The following SORCS3 variants were observed in gnomAD, a reference collection of about 807,000 sequenced individuals.
SORCS3 encodes the protein VPS10 domain-containing receptor SorCS3.
A neutral mutation model predicts 146.3 loss-of-function variants in SORCS3; 57 were observed. The ratio of observed to expected loss-of-function variants is 0.39; its 90% CI spans 0.31 to 0.49. SORCS3 has a LOEUF of 0.49. Ranked by LOEUF, SORCS3 falls within the 20% of genes least tolerant of loss-of-function variation. The probability of loss-of-function intolerance (pLI) is 0.92; values close to 1 mark genes in which losing one functional copy is unlikely to be tolerated. For missense variants in SORCS3, 1,341 were observed against 1,575.5 expected (o/e 0.85, Z 2.52); for synonymous variants, 653 against 618.5 (o/e 1.06, Z -0.83).
At chr10:104,927,667 T>C (rs190319940) in intron 3 of SORCS3, among the ~76,000 whole-genome samples, 2,517 of 152,184 alleles carry the variant, frequency 0.017, 31 homozygotes, top group Admixed American at 0.033. Context: ...TCACCTGAGG[T>C]CAGGAGTTCA....
chr10:105,200,119 A>G lies in SORCS3; in HGVS notation c.2127+3A>G, dbSNP rs2119613773. On this transcript the variant is annotated splice_donor_region_variant and intron_variant, in intron 15 of 26. Transcript: ENST00000369701. ...AGACCTGGCACCTGCTCAATCAGGT[A>G]CACACCCCAGGGAGTTGGAGTGCTG... 1.2e-6 allele frequency: 2 copies of G among 1,609,120 alleles called. No individual in the cohort carries two copies. The highest frequency in any genetic ancestry group is 1.7e-5 in the Admixed American group (1 of 59,962).
intron 3 of SORCS3, among the ~76,000 whole-genome samples, chr10:104,935,116 T>C (rs1461261401): frequency 1.3e-5 from 2 of 152,222 alleles, no homozygotes; most frequent in Admixed American, 1.3e-4. Flanking sequence ...GTATGATTAA[T>C]TCTCGGAGCA....
chr10:104,814,813 A>G (rs916772404), intron 1 of SORCS3, among the ~76,000 whole-genome samples: 2 of 152,244 alleles, frequency 1.3e-5, no homozygotes, highest in African/African-American at 4.8e-5. Flanking sequence ...GACCTATGCC[A>G]AAATAAAACA....
intron 3 of SORCS3, among the ~76,000 whole-genome samples, chr10:104,938,702 A>G (rs1014727057): frequency 6.6e-6 from 1 of 152,132 alleles, no homozygotes; most frequent in African/African-American, 2.4e-5. Context: ...TAATGTTTCC[A>G]TCTATATAAA....
chr10:104,786,323 AG>A (rs1324369885), intron 1 of SORCS3, among the ~76,000 whole-genome samples: 1 of 151,784 alleles, frequency 6.6e-6, no homozygotes, highest in Non-Finnish European at 1.5e-5. Context: ...AGGCCAAGGA[AG>A]GCAGATCACC....
chr10:105,121,514 T>C (rs1341887689), intron 7 of SORCS3, among the ~76,000 whole-genome samples: 2 of 152,192 alleles, frequency 1.3e-5, no homozygotes, highest in African/African-American at 4.8e-5. Flanking sequence ...TTCGTTTTTC[T>C]CTGCATTAGC....
chr10:105,016,565 C>T (rs1165492567), intron 4 of SORCS3, among the ~76,000 whole-genome samples: 1 of 152,026 alleles, frequency 6.6e-6, no homozygotes, highest in Non-Finnish European at 1.5e-5. Context: ...AGTCTAAAAG[C>T]AGTAACAACA....
At chr10:105,020,040 G>A (rs1386092426) in intron 4 of SORCS3, among the ~76,000 whole-genome samples, 1 of 152,114 alleles carries the variant, frequency 6.6e-6, no homozygotes, top group Non-Finnish European at 1.5e-5. Context: ...GAATTTTAAG[G>A]CCTTAGAGCT....
intron 1 of SORCS3, among the ~76,000 whole-genome samples, chr10:104,727,851 C>A (rs924681509): frequency 2.6e-5 from 4 of 152,174 alleles, no homozygotes; most frequent in African/African-American, 9.6e-5. Context: ...GGCAAGGGAT[C>A]TAGGTTGCAT....
intron 20 of SORCS3, among the ~76,000 whole-genome samples, chr10:105,226,271 G>A (rs1181716107): frequency 6.6e-6 from 1 of 151,800 alleles, no homozygotes; most frequent in Non-Finnish European, 1.5e-5. Context: ...CATTAACGAT[G>A]TTAATTTCAT....
intron 3 of SORCS3, among the ~76,000 whole-genome samples, chr10:104,940,204 TTATATATATATA>T (rs71022748): frequency 2.5e-4 from 13 of 52,998 alleles, no homozygotes; most frequent in Admixed American, 5.3e-4. Context: ...TCCTTTTCTT[TTATATATATATA>T]TATATATATA....
Position 104,852,921 on chromosome 10 carries a change from C to A in SORCS3, c.695+10062C>A, listed in dbSNP as rs529555457. ...AGAGAGTGGTCATGAGGTGCTGCTC[C>A]CCTGGAGCTGTGCTTGAGATAAGCC... On this transcript the variant is annotated intron_variant, in intron 2 of 26. Transcript: ENST00000369701. 9.4e-4 allele frequency among the ~76,000 whole-genome samples: 143 copies of A among 152,174 alleles called. 2 individuals carry two copies. Among genetic ancestry groups the A allele is most frequent in the Admixed American group, 1.4e-3 (22 of 15,276 alleles).
At chr10:104,812,560 A>G (rs1012004552) in intron 1 of SORCS3, among the ~76,000 whole-genome samples, 2 of 152,234 alleles carry the variant, frequency 1.3e-5, no homozygotes, top group Non-Finnish European at 2.9e-5. Flanking sequence ...ACAATGCACA[A>G]TGTTGGAATA....
At chr10:105,246,693 C>T (rs574488942) in intron 21 of SORCS3, among the ~76,000 whole-genome samples, 267 of 152,324 alleles carry the variant, frequency 1.8e-3, no homozygotes, top group Non-Finnish European at 2.8e-3. Context: ...TATACAGAAG[C>T]GTGCAGGGCA....
At chr10:104,750,762 A>G (rs2016974016) in intron 1 of SORCS3, among the ~76,000 whole-genome samples, 1 of 152,230 alleles carries the variant, frequency 6.6e-6, no homozygotes, top group Non-Finnish European at 1.5e-5. Context: ...GATGAGGTAG[A>G]TGTTTCAGAG....
At chr10:105,168,536 A>G (rs7902047) in intron 13 of SORCS3, among the ~76,000 whole-genome samples, 2,782 of 152,240 alleles carry the variant, frequency 0.018, 90 homozygotes, top group African/African-American at 0.063. Flanking sequence ...TCGGATTCAC[A>G]TGGGCAGCAA....
chr10:104,717,574 G>A (rs886262129), intron 1 of SORCS3, among the ~76,000 whole-genome samples: 5 of 152,004 alleles, frequency 3.3e-5, no homozygotes, highest in Admixed American at 1.3e-4. Flanking sequence ...TTGTTTATGA[G>A]TGTCTTCTCC....
At chr10:104,717,300 T>TAAAAA in intron 1 of SORCS3, among the ~76,000 whole-genome samples, 1 of 104,384 alleles carries the variant, frequency 9.6e-6, no homozygotes, top group Middle Eastern at 5.1e-3. Flanking sequence ...AAAAAAAATG[T>TAAAAA]AAAAAAAAAA....
chr10:104,924,443 C>T (rs2019118504), intron 3 of SORCS3, among the ~76,000 whole-genome samples: 1 of 152,172 alleles, frequency 6.6e-6, no homozygotes. Flanking sequence ...TGTGTCTCTA[C>T]GGCTTACAGA....
Sources: allele counts gnomAD v4.1 joint callset (sites outside exome capture counted in the v4.1 genomes callset), GRCh38; gene constraint gnomAD v4.1.1; transcripts MANE v1.5; gene names NCBI Gene and HGNC (gene_info 2026-07-23, HGNC 2026-07-21).